The following CSMD1 variants were observed in gnomAD, a reference collection of about 807,000 sequenced individuals.
CSMD1 encodes the protein CUB and Sushi multiple domains 1, also known as CUB and sushi domain-containing protein 1.
Under a neutral mutation model 417.5 loss-of-function variants are expected in CSMD1, and 213 were observed. The ratio of observed to expected loss-of-function variants is 0.51; its 90% CI spans 0.46 to 0.57. The LOEUF is 0.57. Among genes scored for constraint, CSMD1 ranks in the 20% least tolerant of loss-of-function variants. CSMD1 has a pLI of 0.00. For synonymous variants in CSMD1, 2,862 were observed against 1,736.8 expected (o/e 1.65, Z -16.11); for missense variants, 6,923 against 4,529.7 (o/e 1.53, Z -15.17).
At chr8:3,259,915 A>G (rs1279536475) in intron 26 of CSMD1, among the ~76,000 whole-genome samples, 1 of 152,206 alleles carries the variant, frequency 6.6e-6, no homozygotes, top group Non-Finnish European at 1.5e-5. Context: ...CTGACCACTC[A>G]TACATGCGTT....
rs1459661620 is a variant in CSMD1 at position 4,579,752 on chromosome 8, G to C, written c.302+57590C>G. On this transcript the variant is annotated intron_variant, in intron 2 of 69. Coordinates refer to ENST00000635120, the MANE Select transcript of CSMD1 (RefSeq NM_033225.6). ...GTGAATTTCCATGTAAATTTACATG[G>C]TGAATTTTTACAGGTGAATTTCCAA... 3.9e-5 allele frequency among the ~76,000 whole-genome samples: 6 copies of C among 152,058 alleles called. No homozygotes were observed. In the South Asian group the frequency reaches 1.0e-3, roughly 26 times the overall value.
At chr8:3,332,434 C>G (rs902347358) in intron 23 of CSMD1, among the ~76,000 whole-genome samples, 3 of 152,210 alleles carry the variant, frequency 2.0e-5, no homozygotes, top group Admixed American at 6.5e-5. Flanking sequence ...GAGGAGGGGC[C>G]TGGAAGGCCA....
At chr8:4,329,024 C>G (rs571603633) in intron 3 of CSMD1, among the ~76,000 whole-genome samples, 8 of 152,292 alleles carry the variant, frequency 5.3e-5, no homozygotes, top group African/African-American at 1.9e-4. Context: ...CAACATCAAT[C>G]TTCCTTTGTA....
intron 5 of CSMD1, among the ~76,000 whole-genome samples, chr8:3,853,525 T>A (rs1444290828): frequency 6.6e-6 from 1 of 152,162 alleles, no homozygotes; most frequent in Non-Finnish European, 1.5e-5. Context: ...ACTGCCTTGT[T>A]ACTAGAAGAT....
intron 3 of CSMD1, among the ~76,000 whole-genome samples, chr8:4,102,759 A>T (rs1801370958): frequency 6.6e-6 from 1 of 152,216 alleles, no homozygotes; most frequent in Non-Finnish European, 1.5e-5. Context: ...TTTGAATTTA[A>T]TTAGTCCAGG....
At chr8:3,697,101 T>A (rs1800595779) in intron 7 of CSMD1, among the ~76,000 whole-genome samples, 1 of 152,188 alleles carries the variant, frequency 6.6e-6, no homozygotes, top group African/African-American at 2.4e-5. Context: ...GGCCCAATAT[T>A]GCTAGGTCAT....
intron 1 of CSMD1, among the ~76,000 whole-genome samples, chr8:4,810,565 G>GT: frequency 6.6e-6 from 1 of 152,316 alleles, no homozygotes; most frequent in Non-Finnish European, 1.5e-5. Flanking sequence ...GTGTGTGTAT[G>GT]TGGGGGGTGG....
chr8:4,212,751 C>CTTTTTTTTTTTTTTTTTT lies in CSMD1; in HGVS notation c.416-180670_416-180653dup, dbSNP rs5889027. On this transcript the variant is annotated intron_variant, in intron 3 of 69. Transcript: ENST00000635120. ...AAAAGTTTACAACAGCGGCCTTATT[C>CTTTTTTTTTTTTTTTTTT]TTTTTTTTTTTTTTTTTTTTTTTTT... 1.2e-3 allele frequency among the ~76,000 whole-genome samples: 117 copies of CTTTTTTTTTTTTTTTTTT among 99,210 alleles called. 10 individuals are homozygous for CTTTTTTTTTTTTTTTTTT. Among genetic ancestry groups the CTTTTTTTTTTTTTTTTTT allele is most frequent in the African/African-American group, 4.6e-3 (109 of 23,444 alleles). The allele number at this position is 99,210 out of a possible 152,430, so 65.1% of individuals were successfully genotyped here.
intron 3 of CSMD1, among the ~76,000 whole-genome samples, chr8:4,170,563 T>C (rs565384780): frequency 5.3e-5 from 8 of 151,988 alleles, no homozygotes; most frequent in African/African-American, 1.5e-4. Flanking sequence ...ACATGGACAA[T>C]GGATGAAAAC....
Position 3,151,355 on chromosome 8 carries a change from GA to G in CSMD1, c.6031+41del, listed in dbSNP as rs1328882410. On this transcript the variant is annotated intron_variant, in intron 40 of 69. Coordinates refer to ENST00000635120, the MANE Select transcript of CSMD1 (RefSeq NM_033225.6). The stretch of plus-strand genomic sequence containing the variant: ...GCTTAATTCTTTCCAAGATGGAAAT[GA>G]AAAAAATGAACTTTTAGGAATTGGT... 8 of 1,287,656 alleles carry G rather than the reference GA, an allele frequency of 6.2e-6. No individual in the cohort carries two copies. The Admixed American group carries it at 7.5e-5, about 12-fold the overall frequency. 79.8% of individuals were successfully genotyped at this position (1,287,656 alleles called of 1,614,324 possible).
chr8:4,333,517 A>G (rs945282519), intron 3 of CSMD1, among the ~76,000 whole-genome samples: 1 of 152,202 alleles, frequency 6.6e-6, no homozygotes, highest in Non-Finnish European at 1.5e-5. Flanking sequence ...CTCTCATTTC[A>G]TAAAGTGCTT....
chr8:4,326,901 G>A (rs940997580), intron 3 of CSMD1, among the ~76,000 whole-genome samples: 12 of 152,156 alleles, frequency 7.9e-5, no homozygotes, highest in African/African-American at 2.7e-4. Flanking sequence ...ACCATGTATA[G>A]GAGGAAAAGT....
chr8:3,315,863 C>G (rs745376757), intron 23 of CSMD1, among the ~76,000 whole-genome samples: 1 of 152,144 alleles, frequency 6.6e-6, no homozygotes, highest in African/African-American at 2.4e-5. Context: ...ATGAGTCAAT[C>G]TTGAAACATT....
intron 1 of CSMD1, among the ~76,000 whole-genome samples, chr8:4,993,446 G>A (rs1249872840): frequency 1.7e-5 from 2 of 121,088 alleles, no homozygotes; most frequent in East Asian, 1.9e-4. Flanking sequence ...TTCTTTCCCG[G>A]AGAATAAACA....
At chr8:4,332,552 T>TAC (rs368534632) in intron 3 of CSMD1, among the ~76,000 whole-genome samples, 9,512 of 128,170 alleles carry the variant, frequency 0.074, 453 homozygotes, top group East Asian at 0.14. Context: ...TGATATCACA[T>TAC]ACACACACAC....
intron 57 of CSMD1, among the ~76,000 whole-genome samples, chr8:2,972,333 T>C (rs1228148329): frequency 6.6e-6 from 1 of 152,216 alleles, no homozygotes; most frequent in Non-Finnish European, 1.5e-5. Context: ...TGGAAAGTGT[T>C]TCATACATAC....
chr8:3,985,385 A>G (rs1001807948), intron 5 of CSMD1, among the ~76,000 whole-genome samples: 1 of 152,180 alleles, frequency 6.6e-6, no homozygotes, highest in Non-Finnish European at 1.5e-5. Flanking sequence ...CATAGAAAGT[A>G]AATGAATATA....
intron 15 of CSMD1, among the ~76,000 whole-genome samples, chr8:3,404,481 C>T (rs561229027): frequency 9.6e-4 from 146 of 152,224 alleles, no homozygotes; most frequent in Middle Eastern, 3.4e-3. Context: ...ATGCTCCACA[C>T]CTAGACCCCA....
chr8:3,592,855 G>A (rs1284120841), intron 8 of CSMD1, among the ~76,000 whole-genome samples: 1 of 152,030 alleles, frequency 6.6e-6, no homozygotes, highest in African/African-American at 2.4e-5. Flanking sequence ...GTGTAAAGGA[G>A]ATGTGATGGT....
Sources: allele counts gnomAD v4.1 joint callset (sites outside exome capture counted in the v4.1 genomes callset), GRCh38; gene constraint gnomAD v4.1.1; transcripts MANE v1.5; gene names NCBI Gene and HGNC (gene_info 2026-07-23, HGNC 2026-07-21).